CPS1: variants seen among roughly 807,000 people sequenced by gnomAD.
CPS1 encodes the protein carbamoyl-phosphate synthase 1, also known as carbamoyl-phosphate synthase [ammonia], mitochondrial.
Under a neutral mutation model 174.6 loss-of-function variants are expected in CPS1, and 109 were observed. The ratio of observed to expected loss-of-function variants is 0.62; its 90% CI spans 0.53 to 0.73. The LOEUF is 0.73. Among genes scored for constraint, CPS1 ranks in the 30% least tolerant of loss-of-function variants. CPS1 has a pLI of 0.00. For synonymous variants in CPS1, 637 were observed against 632.0 expected, an observed-to-expected ratio of 1.01 and a Z score of -0.12; for missense variants, 1,689 against 1,821.9, an observed-to-expected ratio of 0.93 and a Z score of 1.33.
Position 210,590,819 on chromosome 2 carries a change from A to G in CPS1, c.860A>G (p.Lys287Arg). The change falls in exon 9 of 38, where the codon AAG becomes AGG. Residue 287 changes from lysine (K) to arginine (R), a missense_variant. Transcript: ENST00000233072. ...ATTTAGATTTTGGAGAGTGATCGCA[A>G]GGAGCCATTGTTTGGAATCAGTACA... is the stretch of plus-strand genomic sequence containing the variant. ...NVRKILESDRKEPLFGISTGN... is the reference protein window; with the variant it reads ...NVRKILESDRREPLFGISTGN... 11 of 1,610,982 alleles carry G rather than the reference A, an allele frequency of 6.8e-6. No homozygotes were observed. Among genetic ancestry groups the G allele is most frequent in the Non-Finnish European group, 9.3e-6 (11 of 1,177,954 alleles).
intron 13 of CPS1, among the ~76,000 whole-genome samples, chr2:210,597,919 C>T (rs1479967864): frequency 2.0e-5 from 3 of 151,702 alleles, no homozygotes; most frequent in Non-Finnish European, 4.4e-5. Flanking sequence ...TATGTACAAA[C>T]AGTTGTATAA....
intron 21 of CPS1, among the ~76,000 whole-genome samples, chr2:210,622,242 AAATAT>A (rs530456036): frequency 9.9e-5 from 15 of 151,832 alleles, no homozygotes; most frequent in African/African-American, 2.9e-4. Context: ...CTTAAATATC[AAATAT>A]AATATATTTA....
chr2:210,585,984 G>A (rs1239951708), intron 6 of CPS1, among the ~76,000 whole-genome samples: 2 of 151,572 alleles, frequency 1.3e-5, no homozygotes, highest in East Asian at 3.9e-4. Flanking sequence ...CAATCAGAAG[G>A]CGTATAGAGG....
intron 22 of CPS1, among the ~76,000 whole-genome samples, chr2:210,638,795 A>G (rs1187583694): frequency 2.0e-5 from 3 of 152,168 alleles, no homozygotes; most frequent in Non-Finnish European, 4.4e-5. Context: ...ATCCTTACGT[A>G]TAGGTCATTT....
intron 33 of CPS1, among the ~76,000 whole-genome samples, chr2:210,664,283 C>G (rs1246526840): frequency 6.6e-6 from 1 of 152,044 alleles, no homozygotes; most frequent in Non-Finnish European, 1.5e-5. Flanking sequence ...TTAGATGGCC[C>G]AGGGTTCAGA....
intron 1 of CPS1, among the ~76,000 whole-genome samples, chr2:210,491,307 GTTTTTTTTTTTTTTTTTT>G (rs66825517): frequency 7.9e-5 from 4 of 50,342 alleles, no homozygotes; most frequent in East Asian, 6.8e-4. Context: ...TGGTATCTGT[GTTTTTTTTTTTTTTTTTT>G]TTTTTTTTTT....
intron 1 of CPS1, among the ~76,000 whole-genome samples, chr2:210,485,367 A>G (rs1241872770): frequency 6.6e-6 from 1 of 152,198 alleles, no homozygotes; most frequent in African/African-American, 2.4e-5. Context: ...CAAAATTGAG[A>G]TAATGATCAT....
chr2:210,675,877 G>A (rs1033756603), intron 36 of CPS1, 37 bp downstream of exon 36: 1 of 983,954 alleles, frequency 1.0e-6, no homozygotes, highest in African/African-American at 1.6e-5. Flanking sequence ...AAATAATTTA[G>A]AGGATTAACT....
At chr2:210,602,997 G>A (rs1216965269) in intron 16 of CPS1, among the ~76,000 whole-genome samples, 1 of 151,920 alleles carries the variant, frequency 6.6e-6, no homozygotes. Flanking sequence ...AGAAAAGTAA[G>A]CTATGCTACA....
At chr2:210,516,764 A>G (rs957897239) in intron 1 of CPS1, among the ~76,000 whole-genome samples, 3 of 151,914 alleles carry the variant, frequency 2.0e-5, no homozygotes, top group Non-Finnish European at 4.4e-5. Flanking sequence ...TCTCTCTATC[A>G]TCCCTTACTT....
Position 210,677,752 on chromosome 2 carries a change from C to T in CPS1, c.4405-135C>T. ...GAGACATGGGAGAAAGTCTCCATTA[C>T]ATAAAAAACTTTTATGCCTTTTATC... On this transcript the variant is annotated intron_variant, in intron 37 of 37. Coordinates refer to ENST00000233072, the MANE Select transcript of CPS1 (RefSeq NM_001875.5). The T allele has an allele frequency of 1.4e-5, 11 of 785,950 alleles. No individual in the cohort carries two copies. The South Asian group carries it at 1.5e-4, about 11-fold the overall frequency. 48.7% of individuals were successfully genotyped at this position (785,950 alleles called of 1,614,324 possible).
intron 24 of CPS1, among the ~76,000 whole-genome samples, chr2:210,641,583 A>G (rs1261153652): frequency 6.6e-6 from 1 of 152,172 alleles, no homozygotes; most frequent in Non-Finnish European, 1.5e-5. Context: ...CAGTTATCTT[A>G]TGGTGAAATA....
At chr2:210,613,923 G>A (rs1230392779) in intron 20 of CPS1, among the ~76,000 whole-genome samples, 3 of 151,880 alleles carry the variant, frequency 2.0e-5, no homozygotes, top group Admixed American at 6.6e-5. Flanking sequence ...AACAGCAGCC[G>A]GGAACTTGGT....
chr2:210,578,395 T>A (rs944870542), intron 4 of CPS1, among the ~76,000 whole-genome samples: 5 of 152,154 alleles, frequency 3.3e-5, no homozygotes, highest in African/African-American at 1.2e-4. Flanking sequence ...CAGGCTCACA[T>A]GAGCCACCGC....
chr2:210,536,425 A>G (rs544439161), intron 1 of CPS1, among the ~76,000 whole-genome samples: 15 of 147,540 alleles, frequency 1.0e-4, no homozygotes, highest in African/African-American at 3.6e-4. Context: ...GGTTCACGCC[A>G]TTCTCCTGCC....
intron 1 of CPS1, among the ~76,000 whole-genome samples, chr2:210,528,148 G>A (rs1397391257): frequency 1.3e-5 from 2 of 151,798 alleles, no homozygotes; most frequent in African/African-American, 2.4e-5. Flanking sequence ...TGCTTGTTTA[G>A]TGGGCATATA....
At chr2:210,608,308 T>G in intron 18 of CPS1, 53 bp from the exon 19 acceptor site, 1 of 1,554,452 alleles carries the variant, frequency 6.4e-7, no homozygotes. Flanking sequence ...TGTTTTGGTC[T>G]GTTTTCAATA....
intron 1 of CPS1, among the ~76,000 whole-genome samples, chr2:210,543,163 C>G (rs189877223): frequency 0.016 from 2,448 of 152,274 alleles, 52 homozygotes; most frequent in African/African-American, 0.051. Context: ...AGCAGGTCTA[C>G]CACAGTTAGC....
chr2:210,593,427 G>A (rs1698377581), intron 11 of CPS1: 2 of 1,031,926 alleles, frequency 1.9e-6, no homozygotes, highest in Non-Finnish European at 2.3e-6. Context: ...GGGCATGCAT[G>A]CACATACATA....
Sources: allele counts gnomAD v4.1 joint callset (sites outside exome capture counted in the v4.1 genomes callset), GRCh38; gene constraint gnomAD v4.1.1; transcripts MANE v1.5; gene names NCBI Gene and HGNC (gene_info 2026-07-23, HGNC 2026-07-21).